ENOX1: variants seen among roughly 807,000 people sequenced by gnomAD.
The protein encoded by ENOX1 is candidate growth-related and time keeping constitutive hydroquinone (NADH) oxidase.
A neutral mutation model predicts 82.5 loss-of-function variants in ENOX1; 42 were observed. That is an observed-to-expected ratio of 0.51 (90% confidence interval 0.40 to 0.66). The LOEUF is 0.66. Among genes scored for constraint, ENOX1 ranks in the 30% least tolerant of loss-of-function variants. The pLI, the probability that ENOX1 is intolerant of heterozygous loss-of-function variation, is 0.00. For missense variants in ENOX1, 608 were observed against 811.6 expected (o/e 0.75, Z 3.05); for synonymous variants, 271 against 282.2 (o/e 0.96, Z 0.40).
chr13:43,727,167 C>A (rs1409909429), intron 1 of ENOX1, among the ~76,000 whole-genome samples: 2 of 152,178 alleles, frequency 1.3e-5, no homozygotes, highest in African/African-American at 4.8e-5. Context: ...GACTCCAGAG[C>A]AAAGGCAGAT....
chr13:43,682,560 T>C (rs944095201), intron 1 of ENOX1, among the ~76,000 whole-genome samples: 5 of 152,148 alleles, frequency 3.3e-5, no homozygotes, highest in Non-Finnish European at 7.4e-5. Context: ...CAGTTGTAGT[T>C]ACCATTCTCA....
chr13:43,555,361 A>G (rs2079388347), intron 2 of ENOX1, among the ~76,000 whole-genome samples: 1 of 152,116 alleles, frequency 6.6e-6, no homozygotes, highest in Non-Finnish European at 1.5e-5. Context: ...ACTGTACGAT[A>G]CTTCTTGGTA....
intron 3 of ENOX1, among the ~76,000 whole-genome samples, chr13:43,420,196 G>A (rs778990357): frequency 7.9e-5 from 12 of 152,096 alleles, no homozygotes; most frequent in East Asian, 1.9e-4. Flanking sequence ...AATGTTCCAC[G>A]GTTTAAAACA....
intron 11 of ENOX1, among the ~76,000 whole-genome samples, chr13:43,303,655 G>C (rs920087403): frequency 3.9e-5 from 6 of 152,220 alleles, no homozygotes; most frequent in Non-Finnish European, 7.4e-5. Flanking sequence ...GCCTTGGACT[G>C]TTGTGTGCCC....
intron 1 of ENOX1, among the ~76,000 whole-genome samples, chr13:43,668,157 T>A (rs2085077982): frequency 6.6e-6 from 1 of 152,208 alleles, no homozygotes; most frequent in Admixed American, 6.5e-5. Context: ...ACTCAGAGTG[T>A]GGTCCACAGG....
At chr13:43,251,302 G>A (rs1047350214) in intron 14 of ENOX1, among the ~76,000 whole-genome samples, 1 of 152,202 alleles carries the variant, frequency 6.6e-6, no homozygotes, top group Non-Finnish European at 1.5e-5. Flanking sequence ...AAGATCACCT[G>A]CAGATAATAT....
chr13:43,480,796 A>G (rs1001999520), intron 3 of ENOX1, among the ~76,000 whole-genome samples: 2 of 152,208 alleles, frequency 1.3e-5, no homozygotes, highest in African/African-American at 4.8e-5. Flanking sequence ...AAGACTAAAT[A>G]GAGAAAAAAT....
intron 2 of ENOX1, among the ~76,000 whole-genome samples, chr13:43,618,236 G>T (rs1323234271): frequency 1.3e-5 from 2 of 152,148 alleles, no homozygotes; most frequent in Non-Finnish European, 2.9e-5. Context: ...TCATGCAAAA[G>T]CTCTTCAGTT....
At chr13:43,542,456 G>A (rs978192387) in intron 2 of ENOX1, among the ~76,000 whole-genome samples, 3 of 114,372 alleles carry the variant, frequency 2.6e-5, no homozygotes, top group East Asian at 5.7e-4. Context: ...TTTTTCTAAT[G>A]AGACAGTCTC....
chr13:43,442,207 C>G (rs1385989223), intron 3 of ENOX1, among the ~76,000 whole-genome samples: 1 of 152,114 alleles, frequency 6.6e-6, no homozygotes, highest in African/African-American at 2.4e-5. Context: ...AAAATGAGAA[C>G]ACATTTTAAA....
intron 15 of ENOX1, among the ~76,000 whole-genome samples, chr13:43,233,960 C>T (rs113562498): frequency 1.3e-5 from 2 of 152,266 alleles, no homozygotes; most frequent in African/African-American, 4.8e-5. Flanking sequence ...CCAGAGGGCT[C>T]CTAGAATCAT....
chr13:43,591,392 G>A (rs1402228318), intron 2 of ENOX1, among the ~76,000 whole-genome samples: 1 of 152,150 alleles, frequency 6.6e-6, no homozygotes, highest in African/African-American at 2.4e-5. Flanking sequence ...AACAGAGTAT[G>A]AGTCCCTCTA....
intron 2 of ENOX1, among the ~76,000 whole-genome samples, chr13:43,638,788 G>C (rs1273140752): frequency 6.6e-6 from 1 of 152,146 alleles, no homozygotes; most frequent in Non-Finnish European, 1.5e-5. Flanking sequence ...TGATGATAAA[G>C]GATGCTATGC....
chr13:43,702,199 T>C (rs2086944401), intron 1 of ENOX1, among the ~76,000 whole-genome samples: 1 of 152,256 alleles, frequency 6.6e-6, no homozygotes, highest in South Asian at 2.1e-4. Context: ...TTTAGTGCTC[T>C]GAAATATTAC....
Position 43,358,517 on chromosome 13 carries a change from C to T in ENOX1, c.589+1334G>A, listed in dbSNP as rs61310997. On this transcript the variant is annotated intron_variant, in intron 7 of 16. Transcript: ENST00000690772. Reference sequence around the variant, plus strand: ...GATGACTGCAGTTTTCTTGGTACAGCTGTGATTAGAAGCCAGGTCCCCAGG... The same window carrying T: ...GATGACTGCAGTTTTCTTGGTACAGTTGTGATTAGAAGCCAGGTCCCCAGG... 2.7e-3 allele frequency among the ~76,000 whole-genome samples: 405 copies of T among 152,220 alleles called. 1 individual carries two copies. The highest frequency in any genetic ancestry group is 9.3e-3 in the African/African-American group (386 of 41,528).
chr13:43,398,122 G>T lies in ENOX1; in HGVS notation c.208+13794C>A, dbSNP rs146730669. Among the ~76,000 whole-genome samples the T allele has an allele frequency of 5.0e-3, 764 of 152,298 alleles. 5 individuals are homozygous for T. Among genetic ancestry groups the T allele is most frequent in the Non-Finnish European group, 9.1e-3 (621 of 68,028 alleles). On this transcript the variant is annotated intron_variant, in intron 5 of 16. Transcript: ENST00000690772. ...ATGTCCTAATATCATCACCTTGGGG[G>T]TTAGGATTTCAACATATGAATTTGG... is the stretch of plus-strand genomic sequence containing the variant.
chr13:43,319,665 T>C (rs1168157310), intron 11 of ENOX1, among the ~76,000 whole-genome samples: 1 of 152,118 alleles, frequency 6.6e-6, no homozygotes, highest in African/African-American at 2.4e-5. Context: ...CTGCAGTGGG[T>C]GCAGCCTCAG....
chr13:43,220,175 G>A (rs2041714606), intron 16 of ENOX1, among the ~76,000 whole-genome samples: 1 of 151,824 alleles, frequency 6.6e-6, no homozygotes, highest in Admixed American at 6.6e-5. Flanking sequence ...AGGGAAGGAG[G>A]CAGAAAAAAT....
intron 2 of ENOX1, among the ~76,000 whole-genome samples, chr13:43,663,940 C>G (rs1252262938): frequency 6.6e-6 from 1 of 152,084 alleles, no homozygotes; most frequent in Non-Finnish European, 1.5e-5. Context: ...AACATAAACT[C>G]ATGATTTAAA....
Sources: allele counts gnomAD v4.1 joint callset (sites outside exome capture counted in the v4.1 genomes callset), GRCh38; gene constraint gnomAD v4.1.1; transcripts MANE v1.5; gene names NCBI Gene and HGNC (gene_info 2026-07-23, HGNC 2026-07-21).